The following OGDH variants were observed in gnomAD, a reference collection of about 807,000 sequenced individuals.
The protein encoded by OGDH is oxoglutarate dehydrogenase.
OGDH carries 38 observed loss-of-function variants against 116.6 expected under a neutral mutation model. The observed-to-expected ratio is 0.33, with a 90% CI of 0.25 to 0.43. OGDH has a LOEUF of 0.43. Ranked by LOEUF, OGDH falls within the 20% of genes least tolerant of loss-of-function variation. OGDH has a pLI of 1.00. For synonymous variants in OGDH, 488 were observed against 533.3 expected (o/e 0.92, Z 1.17); for missense variants, 825 against 1,357.2 (o/e 0.61, Z 6.16).
intron 13 of OGDH, 119 bp from the exon 14 acceptor site, chr7:44,696,310 A>G (rs1402377766): frequency 1.5e-6 from 2 of 1,311,514 alleles, no homozygotes; most frequent in Non-Finnish European, 2.1e-6. Context: ...TTTCTGGGGA[A>G]CACAGTGTGA....
chr7:44,675,070 G>A, intron 7 of OGDH, 108 bp from the exon 8 acceptor site: 1 of 838,930 alleles, frequency 1.2e-6, no homozygotes, highest in Non-Finnish European at 2.0e-6. Context: ...AAACCGAGGA[G>A]GTGCCGTGTC....
Position 44,666,512 on chromosome 7 carries a change from A to C in OGDH, c.518-224A>C, listed in dbSNP as rs1787190100. On this transcript the variant is annotated intron_variant, in intron 4 of 22. Transcript: ENST00000222673. ...CATAATATGAATTTTATTGTGACTT[A>C]CCTGTCATACTCTAATAGCCTCAGC... The C allele has an allele frequency of 9.7e-6, 3 of 308,430 alleles. No individual in the cohort carries two copies. In the Admixed American group the frequency reaches 1.5e-4, roughly 15 times the overall value. The allele number at this position is 308,430 out of a possible 1,614,324, so 19.1% of individuals were successfully genotyped here. A position where few individuals can be genotyped will look rare whatever the true frequency, so the allele number is the denominator to read the frequency against.
chr7:44,620,821 A>G lies in OGDH; in HGVS notation c.-27-3496A>G, dbSNP rs1355933482. Among the ~76,000 whole-genome samples, 5 of 152,190 alleles carry G rather than the reference A, an allele frequency of 3.3e-5. No individual in the cohort carries two copies. In the East Asian group the frequency reaches 7.7e-4, roughly 24 times the overall value. ...TGTATTTTATGTGTGGCCCTAGACAATTCTTCCAATGTGGCCCAGGGAAGC... is the reference window on the plus strand; with the variant it reads ...TGTATTTTATGTGTGGCCCTAGACAGTTCTTCCAATGTGGCCCAGGGAAGC... On this transcript the variant is annotated intron_variant, in intron 1 of 22. Coordinates refer to ENST00000222673, the MANE Select transcript of OGDH (RefSeq NM_002541.4).
chr7:44,702,782 GA>G (rs1341050271), intron 20 of OGDH, among the ~76,000 whole-genome samples: 1 of 152,030 alleles, frequency 6.6e-6, no homozygotes, highest in Non-Finnish European at 1.5e-5. Context: ...ATTTTTAGTA[GA>G]GACGGGGTTT....
chr7:44,609,352 A>AC (rs1784475985), intron 1 of OGDH, among the ~76,000 whole-genome samples: 1 of 150,616 alleles, frequency 6.6e-6, no homozygotes, highest in African/African-American at 2.4e-5. Flanking sequence ...AAAAAAAAAA[A>AC]AAAAAAAATT....
intron 1 of OGDH, among the ~76,000 whole-genome samples, chr7:44,616,840 T>C (rs1351235198): frequency 7.6e-6 from 1 of 131,356 alleles, no homozygotes; most frequent in Non-Finnish European, 1.6e-5. Context: ...TATATACACA[T>C]ATACGTGTAT....
Position 44,624,310 on chromosome 7 carries a change from T to TTTTTTGG in OGDH, c.-27-7_-27-6insTTTTTGG. The stretch of plus-strand genomic sequence containing the variant: ...TTTCTTGTTTTTTTTTTTTTTTTTT[T>TTTTTTGG]GTACAGGCAGTTGTGAAAAACTTCA... On this transcript the variant is annotated splice_region_variant and splice_polypyrimidine_tract_variant and intron_variant, in intron 1 of 22. Coordinates refer to ENST00000222673, the MANE Select transcript of OGDH (RefSeq NM_002541.4). The TTTTTTGG allele has an allele frequency of 1.8e-6, 2 of 1,102,340 alleles. No individual in the cohort carries two copies. Among genetic ancestry groups the TTTTTTGG allele is most frequent in the South Asian group, 2.0e-5 (1 of 51,012 alleles). 68.3% of individuals were successfully genotyped at this position (1,102,340 alleles called of 1,614,324 possible). A position where few individuals can be genotyped will look rare whatever the true frequency, so the allele number is the denominator to read the frequency against.
rs1410376802 is a variant in OGDH, at chr7:44,675,937, G to A, written c.1027-33G>A. The A allele has an allele frequency of 3.1e-6, 5 of 1,604,926 alleles. No homozygotes were observed. The South Asian group carries it at 3.3e-5, about 11-fold the overall frequency. ...CTTTTGGAGACTGAGCATCTCCTTG[G>A]CCAGGGTGCAAATTCACTGTTTACC... On this transcript the variant is annotated intron_variant, in intron 8 of 22. Transcript: ENST00000222673.
intron 1 of OGDH, among the ~76,000 whole-genome samples, chr7:44,615,868 A>AT (rs1447781346): frequency 6.6e-6 from 1 of 152,102 alleles, no homozygotes; most frequent in African/African-American, 2.4e-5. Flanking sequence ...TCTATAAAAA[A>AT]TACAAAAATT....
At chr7:44,670,025 T>C (rs889768524) in intron 5 of OGDH, among the ~76,000 whole-genome samples, 1 of 152,030 alleles carries the variant, frequency 6.6e-6, no homozygotes, top group African/African-American at 2.4e-5. Context: ...ATTGTCTCAT[T>C]AGAGGGAAAA....
intron 12 of OGDH, 69 bp from the exon 13 acceptor site, chr7:44,695,956 G>T: frequency 1.2e-6 from 1 of 834,138 alleles, no homozygotes. Flanking sequence ...GAAAGTGTGG[G>T]GGTACAGGTG....
intron 4 of OGDH, among the ~76,000 whole-genome samples, chr7:44,652,887 C>G (rs764120948): frequency 6.6e-6 from 1 of 152,070 alleles, no homozygotes; most frequent in African/African-American, 2.4e-5. Context: ...GAGTCTTTTT[C>G]CACTGGCTCT....
At chr7:44,623,774 T>A (rs185803024) in intron 1 of OGDH, among the ~76,000 whole-genome samples, 1 of 152,280 alleles carries the variant, frequency 6.6e-6, no homozygotes, top group Non-Finnish European at 1.5e-5. Flanking sequence ...GCCTCCCAAG[T>A]ATCTGGGTCT....
chr7:44,696,274 C>T (rs1788576311), intron 13 of OGDH, 147 bp downstream of exon 13: 1 of 1,093,610 alleles, frequency 9.1e-7, no homozygotes, highest in African/African-American at 1.5e-5. Context: ...CCTGCAGACC[C>T]TGGACCCAGA....
In OGDH at chr7:44,645,510, G is replaced by T. The variant is rs569799554; in HGVS notation, c.406G>T (p.Ala136Ser). ...CCTGGCAGTGCAGTCGCTCATCAGG[G>T]CATATCAGGTAAGGCGGGTGCTTTA... is the stretch of plus-strand genomic sequence containing the variant. ...DHLAVQSLIR[A>S]YQIRGHHVAQ... Residue 136 changes from alanine to serine, a missense_variant, in exon 3 of 23, where the codon GCA becomes TCA. Coordinates refer to ENST00000222673, the MANE Select transcript of OGDH (RefSeq NM_002541.4). The T allele has an allele frequency of 6.2e-7, 1 of 1,614,122 alleles. No individual in the cohort carries two copies. The highest frequency in any genetic ancestry group is 2.2e-5 in the East Asian group (1 of 44,874).
rs202245477 is a variant in OGDH at position 44,640,440 on chromosome 7, G to GT, written c.223-4879dup. 8.6e-3 allele frequency among the ~76,000 whole-genome samples: 1,304 copies of GT among 151,674 alleles called. 11 individuals carry two copies. Among genetic ancestry groups the GT allele is most frequent in the Non-Finnish European group, 0.014 (936 of 67,856 alleles). On this transcript the variant is annotated intron_variant, in intron 2 of 22. Coordinates refer to ENST00000222673, the MANE Select transcript of OGDH (RefSeq NM_002541.4). ...TACCTATCCCTGCTGCTATTGGTGG[G>GT]TTTTTTTTGTTTTGTTTTGTTTTAC...
At chr7:44,706,867 G>A (rs1211328520) in intron 20 of OGDH, among the ~76,000 whole-genome samples, 6 of 151,806 alleles carry the variant, frequency 4.0e-5, no homozygotes, top group Non-Finnish European at 8.8e-5. Context: ...CAGGCAATCC[G>A]CCCGCCTCAG....
chr7:44,658,147 C>T (rs1209670891), intron 4 of OGDH, among the ~76,000 whole-genome samples: 1 of 152,196 alleles, frequency 6.6e-6, no homozygotes, highest in East Asian at 1.9e-4. Flanking sequence ...ATATACCTTA[C>T]TGCCATTTTG....
At chr7:44,654,312 TAAA>T (rs936781283) in intron 4 of OGDH, among the ~76,000 whole-genome samples, 1 of 152,216 alleles carries the variant, frequency 6.6e-6, no homozygotes, top group Non-Finnish European at 1.5e-5. Flanking sequence ...GTTAAATAGT[TAAA>T]AAGTCAATTT....
Sources: allele counts gnomAD v4.1 joint callset (sites outside exome capture counted in the v4.1 genomes callset), GRCh38; gene constraint gnomAD v4.1.1; transcripts MANE v1.5; gene names NCBI Gene and HGNC (gene_info 2026-07-23, HGNC 2026-07-21).